The following ZNG1A variants were observed in gnomAD, a reference collection of about 807,000 sequenced individuals.
ZNG1A encodes the protein zinc-regulated GTPase metalloprotein activator 1A.
At chr9:137,363 A>AG in the ZNG1A span, among the ~76,000 whole-genome samples, 4,030 of 131,636 alleles carry the variant, frequency 0.031, 111 homozygotes, top group African/African-American at 0.11. Flanking sequence ...CCTGTCTCCA[A>AG]GGGGAAAAAA....
the ZNG1A span, among the ~76,000 whole-genome samples, chr9:140,101 T>G: frequency 1.3e-3 from 197 of 150,890 alleles, 12 homozygotes; most frequent in African/African-American, 3.7e-3. Context: ...CGCTGGCCAT[T>G]GCCCAGGCTT....
chr9:177,628 G>A, the ZNG1A span: 4 of 1,501,566 alleles, frequency 2.7e-6, no homozygotes, highest in Non-Finnish European at 3.6e-6. Context: ...TCAGGGATAG[G>A]AGTGAAACTA....
the ZNG1A span, among the ~76,000 whole-genome samples, chr9:168,078 T>C: frequency 1.0e-5 from 1 of 96,846 alleles, no homozygotes; most frequent in African/African-American, 4.4e-5. Context: ...AGAAGAAAAG[T>C]TGGAAGGTAG....
At chr9:126,586 A>AT in the ZNG1A span, among the ~76,000 whole-genome samples, 2 of 150,930 alleles carry the variant, frequency 1.3e-5, no homozygotes, top group Non-Finnish European at 3.0e-5. Context: ...GCTTATTTGG[A>AT]TTTTCTCTCT....
At chr9:156,112 G>A in the ZNG1A span, among the ~76,000 whole-genome samples, 1 of 148,146 alleles carries the variant, frequency 6.8e-6, no homozygotes, top group Admixed American at 6.8e-5. Context: ...GGGTGACAGT[G>A]AGATTCTGTC....
chr9:169,597 G>C, the ZNG1A span, among the ~76,000 whole-genome samples: 1 of 144,660 alleles, frequency 6.9e-6, no homozygotes, highest in African/African-American at 2.6e-5. Flanking sequence ...GAAAGGGAGA[G>C]TCAACTAATG....
chr9:174,140 C>CCAT, the ZNG1A span, among the ~76,000 whole-genome samples: 1 of 148,690 alleles, frequency 6.7e-6, no homozygotes, highest in South Asian at 2.2e-4. Flanking sequence ...CAGCGAGACT[C>CCAT]CATCTCAAAA....
the ZNG1A span, among the ~76,000 whole-genome samples, chr9:162,904 G>C: frequency 1.3e-5 from 2 of 151,704 alleles, no homozygotes; most frequent in Non-Finnish European, 2.9e-5. Flanking sequence ...TAAAGAATGA[G>C]ACATCTTAAG....
chr9:146,462 C>G, the ZNG1A span: 1 of 247,816 alleles, frequency 4.0e-6, no homozygotes, highest in African/African-American at 2.5e-5. Context: ...GCTTATTACT[C>G]AAAAGATGAA....
the ZNG1A span, among the ~76,000 whole-genome samples, chr9:124,925 T>C: frequency 6.6e-6 from 1 of 152,060 alleles, no homozygotes. Flanking sequence ...ATTGTATGCA[T>C]ATATATCACA....
the ZNG1A span, chr9:156,329 A>G: frequency 8.9e-7 from 1 of 1,125,614 alleles, no homozygotes; most frequent in Non-Finnish European, 1.2e-6. Flanking sequence ...GATCATTATA[A>G]ATAGATAGCA....
the ZNG1A span, among the ~76,000 whole-genome samples, chr9:156,074 A>G: frequency 1.3e-5 from 2 of 150,494 alleles, no homozygotes; most frequent in African/African-American, 4.9e-5. Context: ...TGGGAGGCGG[A>G]GGTTGCAGTG....
chr9:163,654 C>T, the ZNG1A span, among the ~76,000 whole-genome samples: 47 of 152,076 alleles, frequency 3.1e-4, no homozygotes, highest in African/African-American at 9.9e-4. Context: ...TGGTGGCTCA[C>T]GCCTGTAATC....
At chr9:154,657 C>G in the ZNG1A span, 1 of 1,307,316 alleles carries the variant, frequency 7.6e-7, no homozygotes, top group Non-Finnish European at 1.1e-6. Flanking sequence ...AAAAAATATT[C>G]TGTGTATACA....
At chr9:174,754 ATT>A in the ZNG1A span, among the ~76,000 whole-genome samples, 1 of 151,364 alleles carries the variant, frequency 6.6e-6, no homozygotes, top group African/African-American at 2.5e-5. Context: ...TTTAATAGAT[ATT>A]GTTTTTTGGC....
At chr9:144,834 T>G in the ZNG1A span, among the ~76,000 whole-genome samples, 1 of 149,966 alleles carries the variant, frequency 6.7e-6, no homozygotes, top group African/African-American at 2.5e-5. Context: ...TACAATGAAC[T>G]CAAACAAATT....
the ZNG1A span, chr9:175,848 T>G: frequency 1.1e-6 from 1 of 931,280 alleles, no homozygotes; most frequent in South Asian, 1.9e-5. Context: ...AAAAAACATA[T>G]AAAGAATCCT....
At chr9:163,181 G>A in the ZNG1A span, among the ~76,000 whole-genome samples, 3 of 152,048 alleles carry the variant, frequency 2.0e-5, no homozygotes. Flanking sequence ...ACTGAGAAAG[G>A]GAGAAAACAT....
At chr9:133,677 G>A in the ZNG1A span, among the ~76,000 whole-genome samples, 3 of 131,244 alleles carry the variant, frequency 2.3e-5, no homozygotes, top group Non-Finnish European at 3.2e-5. Context: ...GAGACTGAGG[G>A]TGAGAACTAC....
Sources: allele counts gnomAD v4.1 joint callset (sites outside exome capture counted in the v4.1 genomes callset), GRCh38; gene constraint gnomAD v4.1.1; transcripts MANE v1.5; gene names NCBI Gene and HGNC (gene_info 2026-07-23, HGNC 2026-07-21).